The following FOXN2 variants were observed in gnomAD, a reference collection of about 807,000 sequenced individuals.
FOXN2 encodes forkhead box N2, also known as forkhead box protein N2.
FOXN2 carries 19 observed loss-of-function variants against 41.2 expected under a neutral mutation model. The ratio of observed to expected loss-of-function variants is 0.46; its 90% confidence interval spans 0.32 to 0.68. FOXN2 has a LOEUF of 0.68. Among genes scored for constraint, FOXN2 ranks in the 30% least tolerant of loss-of-function variants. The pLI is 0.03. For synonymous variants in FOXN2, 195 were observed against 176.8 expected, an observed-to-expected ratio of 1.10 and a Z score of -0.82; for missense variants, 587 against 509.4, an observed-to-expected ratio of 1.15 and a Z score of -1.47.
chr2:48,351,353 C>T (rs553578077), intron 3 of FOXN2, among the ~76,000 whole-genome samples: 6 of 152,082 alleles, frequency 3.9e-5, no homozygotes, highest in Non-Finnish European at 8.8e-5. Context: ...TGGTTCCTGG[C>T]GTGAAGGAGT....
chr2:48,323,350 C>G (rs1314751729), intron 1 of FOXN2, among the ~76,000 whole-genome samples: 1 of 152,288 alleles, frequency 6.6e-6, no homozygotes, highest in South Asian at 2.1e-4. Flanking sequence ...TACATTCCCA[C>G]CAACAGTGTA....
chr2:48,375,040 C>T lies in FOXN2; in HGVS notation c.893C>T (p.Pro298Leu). ...GATTCTTTAGCCACCAGCATTGATC[C>T]AAAAGAAGATCACAATTACAGTGCA... ...ESDSLATSID[P>L]KEDHNYSASS... is the part of the protein sequence containing the mutation. Residue 298 changes from proline to leucine, a missense_variant, in exon 7 of 7, where the codon CCA (proline) becomes CTA (leucine). Pro to Leu is a moderately conservative substitution (Grantham distance 98). Coordinates refer to ENST00000340553, the MANE Select transcript of FOXN2 (RefSeq NM_002158.4). 1 of 1,614,042 alleles carries T rather than the reference C, an allele frequency of 6.2e-7. No homozygotes were observed. The highest frequency in any genetic ancestry group is 8.5e-7 in the Non-Finnish European group (1 of 1,179,968).
At chr2:48,341,928 TA>T in intron 2 of FOXN2, among the ~76,000 whole-genome samples, 1 of 152,358 alleles carries the variant, frequency 6.6e-6, no homozygotes, top group South Asian at 2.1e-4. Context: ...CAAGCTGTAC[TA>T]AGAATATAAG....
intron 5 of FOXN2, among the ~76,000 whole-genome samples, chr2:48,372,043 C>T (rs1012228453): frequency 2.0e-5 from 3 of 152,152 alleles, no homozygotes; most frequent in African/African-American, 7.2e-5. Context: ...CCTAATTGCT[C>T]TGGCTAGGGC....
chr2:48,353,121 G>C (rs552745438), intron 3 of FOXN2, among the ~76,000 whole-genome samples: 1 of 152,208 alleles, frequency 6.6e-6, no homozygotes, highest in South Asian at 2.1e-4. Context: ...TTCAGTTTTT[G>C]TAACTAGTAA....
intron 2 of FOXN2, among the ~76,000 whole-genome samples, chr2:48,342,559 A>T: frequency 6.6e-6 from 1 of 152,072 alleles, no homozygotes; most frequent in Non-Finnish European, 1.5e-5. Context: ...TATATTTTTT[A>T]AAATAAGTTT....
intron 4 of FOXN2, 63 bp from the exon 5 acceptor site, chr2:48,362,580 T>C: frequency 3.4e-6 from 5 of 1,465,546 alleles, no homozygotes; most frequent in Non-Finnish European, 4.8e-6. Flanking sequence ...CTGTCAAAAA[T>C]TAGGGGGAAA....
At chr2:48,360,443 A>T (rs1419694355) in intron 4 of FOXN2, among the ~76,000 whole-genome samples, 2 of 152,188 alleles carry the variant, frequency 1.3e-5, no homozygotes, top group Non-Finnish European at 2.9e-5. Flanking sequence ...GTTAATTTGA[A>T]TTCTTAAAGT....
Position 48,328,687 on chromosome 2 carries a change from C to A in FOXN2, c.-30C>A, listed in dbSNP as rs1558614011. 4.6e-5 allele frequency: 7 copies of A among 152,160 alleles called. No homozygotes were observed. Among genetic ancestry groups the A allele is most frequent in the Admixed American group, 2.6e-4 (4 of 15,268 alleles). The allele number at this position is 152,160 out of a possible 1,614,324, so 9.4% of individuals were successfully genotyped here. ...ATGACTTATAGTACAGGTGATATTA[C>A]TTCTGATTCTAGATGGTAAGTATAT... is the stretch of plus-strand genomic sequence containing the variant. On this transcript the variant is annotated 5_prime_UTR_variant, in exon 2 of 7. Transcript: ENST00000340553.
chr2:48,320,878 A>G (rs1669269084), intron 1 of FOXN2, among the ~76,000 whole-genome samples: 1 of 152,210 alleles, frequency 6.6e-6, no homozygotes, highest in Non-Finnish European at 1.5e-5. Context: ...TTATTGTTAT[A>G]GCAAGTTAAG....
intron 1 of FOXN2, among the ~76,000 whole-genome samples, chr2:48,325,199 G>C (rs558128484): frequency 9.3e-4 from 141 of 152,298 alleles, no homozygotes; most frequent in African/African-American, 2.8e-3. Context: ...TCTGGAGCCA[G>C]TACTTCCAGT....
At chr2:48,360,026 C>T (rs1422009904) in intron 4 of FOXN2, among the ~76,000 whole-genome samples, 1 of 151,972 alleles carries the variant, frequency 6.6e-6, no homozygotes, top group Middle Eastern at 3.4e-3. Context: ...TAAAATAATG[C>T]TTTGAACTTT....
intron 3 of FOXN2, among the ~76,000 whole-genome samples, chr2:48,358,669 G>A (rs531473983): frequency 6.6e-6 from 1 of 152,280 alleles, no homozygotes; most frequent in South Asian, 2.1e-4. Flanking sequence ...TTATATCATA[G>A]AAGATTTGAT....
chr2:48,373,359 A>G lies in FOXN2; in HGVS notation c.771A>G (p.Glu257=). 1 of 1,564,366 alleles carries G rather than the reference A, an allele frequency of 6.4e-7. No homozygotes were observed. Among genetic ancestry groups the G allele is most frequent in the East Asian group, 2.3e-5 (1 of 43,408 alleles). The part of the protein sequence containing the change: ...LNTSIEQGIL[E]CEKPLPLKTA... Reference sequence around the variant, plus strand: ...CTTCTATAGAACAAGGAATTTTAGAATGTAAGTAATCATGCCTTTTTTAAA... The same window carrying G: ...CTTCTATAGAACAAGGAATTTTAGAGTGTAAGTAATCATGCCTTTTTTAAA... The change falls in exon 6 of 7, where the codon GAA becomes GAG. Residue 257 remains glutamate (E), a splice_region_variant and synonymous_variant. Transcript: ENST00000340553.
chr2:48,344,332 T>G (rs1478307720), intron 2 of FOXN2, among the ~76,000 whole-genome samples: 1 of 152,200 alleles, frequency 6.6e-6, no homozygotes, highest in Non-Finnish European at 1.5e-5. Context: ...AGGAGAGAGA[T>G]AAGAACTGGA....
chr2:48,369,751 A>G (rs1344856893), intron 5 of FOXN2, among the ~76,000 whole-genome samples: 1 of 152,080 alleles, frequency 6.6e-6, no homozygotes, highest in Non-Finnish European at 1.5e-5. Flanking sequence ...ACGGTGGCTC[A>G]CACCTGTAAT....
chr2:48,346,306 G>A lies in FOXN2; in HGVS notation c.92G>A (p.Gly31Glu). The A allele has an allele frequency of 6.2e-7, 1 of 1,614,190 alleles. No homozygotes were observed. The highest frequency in any genetic ancestry group is 2.2e-5 in the East Asian group (1 of 44,884). ...IAGLSQIYKM[G>E]SLPEAVDAAR... ...GGATTAAGCCAGATTTACAAAATGG[G>A]AAGCTTGCCTGAAGCTGTTGATGCT... The change falls in exon 3 of 7, where the codon GGA becomes GAA. Residue 31 changes from glycine to glutamate, a missense_variant. Transcript: ENST00000340553.
chr2:48,363,306 T>C (rs1298236705), intron 5 of FOXN2, among the ~76,000 whole-genome samples: 1 of 152,154 alleles, frequency 6.6e-6, no homozygotes, highest in African/African-American at 2.4e-5. Flanking sequence ...TTATAGGTTA[T>C]AAATAAAATA....
At chr2:48,374,848 A>C in intron 6 of FOXN2, 72 bp from the exon 7 acceptor site, 3 of 1,242,972 alleles carry the variant, frequency 2.4e-6, no homozygotes, top group Non-Finnish European at 3.4e-6. Flanking sequence ...AGAGTAATGT[A>C]GTAGTTTAAA....
Sources: gnomAD v4.1 joint callset for allele counts (sites outside exome capture counted in the v4.1 genomes callset) on GRCh38, gnomAD v4.1.1 for gene constraint, MANE v1.5 for transcripts, NCBI Gene and HGNC (gene_info 2026-07-23, HGNC 2026-07-21) for gene names.